CPNE5: variants seen among roughly 807,000 people sequenced by gnomAD.
The protein encoded by CPNE5 is copine-5.
Under a neutral mutation model 81.1 loss-of-function variants are expected in CPNE5, and 42 were observed. The observed-to-expected ratio is 0.52, with a 90% CI of 0.40 to 0.67. The LOEUF is 0.67. Among genes scored for constraint, CPNE5 ranks in the 30% least tolerant of loss-of-function variants. The pLI is 0.00. For synonymous variants in CPNE5, 313 were observed against 321.5 expected, an observed-to-expected ratio of 0.97 and a Z score of 0.28; for missense variants, 612 against 815.5, an observed-to-expected ratio of 0.75 and a Z score of 3.04.
Position 36,746,550 on chromosome 6 carries a change from T to C in CPNE5, c.1046A>G (p.His349Arg). 6.2e-7 allele frequency: 1 copy of C among 1,613,386 alleles called. No individual in the cohort carries two copies. Among genetic ancestry groups the C allele is most frequent in the Non-Finnish European group, 8.5e-7 (1 of 1,179,588 alleles). Residue 349 changes from histidine (H) to arginine (R), a missense_variant, in exon 16 of 21, where the codon CAC (histidine) becomes CGC (arginine). His to Arg is a conservative substitution (Grantham distance 29). Coordinates refer to ENST00000244751, the MANE Select transcript of CPNE5 (RefSeq NM_020939.2). The surrounding 1 kb of genome is among the most constrained non-coding windows in gnomAD (Gnocchi z 4.5). ...NGNPSQSTSL[H>R]YMSPYQLNAY... ...GTTCAGCTGGTAGGGGCTCATGTAG[T>C]GCAGGGATGTGGACTGTGAGGGGTT...
intron 7 of CPNE5, among the ~76,000 whole-genome samples, chr6:36,793,310 G>A (rs148284322): frequency 3.3e-5 from 5 of 152,262 alleles, no homozygotes; most frequent in African/African-American, 1.2e-4. Flanking sequence ...CAGAGCGGGG[G>A]CCACATCTGG....
At chr6:36,830,353 G>A (rs1772882399) in intron 1 of CPNE5, among the ~76,000 whole-genome samples, 1 of 152,168 alleles carries the variant, frequency 6.6e-6, no homozygotes, top group Admixed American at 6.5e-5. Flanking sequence ...GAATGGGAGG[G>A]TTTCCCATGT....
intron 3 of CPNE5, among the ~76,000 whole-genome samples, chr6:36,816,627 C>G (rs748253062): frequency 6.6e-6 from 1 of 152,178 alleles, no homozygotes; most frequent in Non-Finnish European, 1.5e-5. Context: ...GGAACTGGTT[C>G]CTGTTTACTT....
intron 3 of CPNE5, among the ~76,000 whole-genome samples, chr6:36,821,869 C>A (rs1460308535): frequency 6.6e-6 from 1 of 152,136 alleles, no homozygotes; most frequent in Non-Finnish European, 1.5e-5. Flanking sequence ...ACTGGGGCTC[C>A]CTGAGAACAG....
At chr6:36,747,037 C>A (rs1764247813) in intron 15 of CPNE5, among the ~76,000 whole-genome samples, 1 of 152,128 alleles carries the variant, frequency 6.6e-6, no homozygotes, top group Non-Finnish European at 1.5e-5. Flanking sequence ...CCAGTCCCAG[C>A]CTCACCAGCC....
chr6:36,809,749 A>T (rs908017840), intron 3 of CPNE5, among the ~76,000 whole-genome samples: 2 of 152,048 alleles, frequency 1.3e-5, no homozygotes, highest in African/African-American at 4.8e-5. Context: ...ACGGTCACAC[A>T]GCTCATTAGG....
intron 3 of CPNE5, among the ~76,000 whole-genome samples, chr6:36,809,895 G>T (rs1770946312): frequency 6.6e-6 from 1 of 151,372 alleles, no homozygotes; most frequent in African/African-American, 2.4e-5. Context: ...CTTCTGCTTG[G>T]TATCCTGACT....
At chr6:36,753,898 G>A (rs1765113088) in intron 13 of CPNE5, among the ~76,000 whole-genome samples, 1 of 152,242 alleles carries the variant, frequency 6.6e-6, no homozygotes, top group African/African-American at 2.4e-5. Context: ...GTAAGAGAAC[G>A]AACTCCTCTC....
At chr6:36,753,415 G>T (rs769822920) in intron 13 of CPNE5, among the ~76,000 whole-genome samples, 1 of 152,202 alleles carries the variant, frequency 6.6e-6, no homozygotes, top group Non-Finnish European at 1.5e-5. Context: ...GTGGAACCGG[G>T]GTCCAAGCCA....
chr6:36,755,736 G>A (rs543829641), intron 13 of CPNE5: 61 of 159,160 alleles, frequency 3.8e-4, no homozygotes, highest in African/African-American at 1.1e-3. Flanking sequence ...GGAAGGTCAC[G>A]GTTAAGCAGG....
In CPNE5 at chr6:36,743,759, A is replaced by G; in HGVS notation, c.1493T>C (p.Met498Thr). The G allele has an allele frequency of 6.2e-7, 1 of 1,611,690 alleles. No homozygotes were observed. The highest frequency in any genetic ancestry group is 1.1e-5 in the South Asian group (1 of 91,080). ...CACGTCGTCGCCATCCAGCTCCACC[A>G]TGGCTGTGAGGGGAGGAGTGTCATG... ...VGVGQAEFDA[M>T]VELDGDDVRI... Residue 498 changes from methionine to threonine, a missense_variant, in exon 20 of 21, where the codon ATG becomes ACG. Physicochemically the swap from Met to Thr is moderately conservative, Grantham distance 81 (BLOSUM62 -1). Coordinates refer to ENST00000244751, the MANE Select transcript of CPNE5 (RefSeq NM_020939.2).
chr6:36,773,496 G>A (rs1425923802), intron 10 of CPNE5, among the ~76,000 whole-genome samples: 11 of 152,246 alleles, frequency 7.2e-5, no homozygotes, highest in Admixed American at 7.2e-4. Flanking sequence ...GGTGAAGGGT[G>A]AAGACTGCAC....
chr6:36,772,974 G>A (rs762014994), intron 10 of CPNE5, among the ~76,000 whole-genome samples: 6 of 151,900 alleles, frequency 3.9e-5, no homozygotes, highest in Non-Finnish European at 8.8e-5. Context: ...TGAGTAGCTG[G>A]GTCCACAGAT....
intron 12 of CPNE5, among the ~76,000 whole-genome samples, chr6:36,760,908 T>G (rs1298441502): frequency 6.6e-6 from 1 of 152,094 alleles, no homozygotes; most frequent in African/African-American, 2.4e-5. Flanking sequence ...CAAACCAGCC[T>G]CCCCCTGGGA....
chr6:36,778,465 C>A (rs1767743429), intron 9 of CPNE5, among the ~76,000 whole-genome samples: 1 of 152,166 alleles, frequency 6.6e-6, no homozygotes, highest in Non-Finnish European at 1.5e-5. Context: ...GGACAGGGGG[C>A]TGGGCTTGGA....
chr6:36,815,552 T>C (rs1375427112), intron 3 of CPNE5, among the ~76,000 whole-genome samples: 3 of 152,224 alleles, frequency 2.0e-5, no homozygotes, highest in African/African-American at 7.2e-5. Flanking sequence ...AATTTGCTGG[T>C]GCCTTGATAT....
intron 8 of CPNE5, among the ~76,000 whole-genome samples, chr6:36,784,991 A>C (rs1406529341): frequency 6.6e-6 from 1 of 152,074 alleles, no homozygotes; most frequent in Non-Finnish European, 1.5e-5. Context: ...CACCAGAAAC[A>C]TCACTGGAAT....
At chr6:36,768,444 T>C (rs1766778834) in intron 10 of CPNE5, among the ~76,000 whole-genome samples, 1 of 151,742 alleles carries the variant, frequency 6.6e-6, no homozygotes, top group Admixed American at 6.6e-5. Context: ...GGTGGCCAGG[T>C]TGGTCTCAAA....
At chr6:36,816,827 G>A (rs1297877501) in intron 3 of CPNE5, among the ~76,000 whole-genome samples, 1 of 152,174 alleles carries the variant, frequency 6.6e-6, no homozygotes, top group Non-Finnish European at 1.5e-5. Flanking sequence ...TGCCCAGGCT[G>A]GAGAGCAGTG....
Sources: allele counts gnomAD v4.1 joint callset (sites outside exome capture counted in the v4.1 genomes callset), GRCh38; gene constraint gnomAD v4.1.1; non-coding constraint Gnocchi (gnomAD v3.1); transcripts MANE v1.5; gene names NCBI Gene and HGNC (gene_info 2026-07-23, HGNC 2026-07-21).